Variants in GLDC observed in about 807,000 individuals in gnomAD.
The protein encoded by GLDC is glycine dehydrogenase (decarboxylating), mitochondrial.
A neutral mutation model predicts 121.3 loss-of-function variants in GLDC; 104 were observed. The observed-to-expected ratio is 0.86, with a 90% CI of 0.73 to 1.01. The LOEUF (loss-of-function observed/expected upper bound fraction) is 1.01. Ranked by LOEUF, GLDC falls within the 50% of genes least tolerant of loss-of-function variation. GLDC has a pLI of 0.00. For missense variants in GLDC, 1,429 were observed against 1,306.6 expected, an observed-to-expected ratio of 1.09 and a Z score of -1.44; for synonymous variants, 546 against 480.6, an observed-to-expected ratio of 1.14 and a Z score of -1.78.
chr9:6,567,752 C>T (rs1817880704), intron 15 of GLDC, among the ~76,000 whole-genome samples: 2 of 152,186 alleles, frequency 1.3e-5, no homozygotes, highest in Non-Finnish European at 2.9e-5. Flanking sequence ...ACATTAATAT[C>T]CTATACATGT....
At chr9:6,614,012 G>A (rs916580733) in intron 3 of GLDC, among the ~76,000 whole-genome samples, 1 of 150,616 alleles carries the variant, frequency 6.6e-6, no homozygotes, top group Non-Finnish European at 1.5e-5. Flanking sequence ...CCTGACCTCA[G>A]GTGATCTGCC....
chr9:6,625,667 C>A (rs1003594175), intron 2 of GLDC, among the ~76,000 whole-genome samples: 2 of 152,196 alleles, frequency 1.3e-5, no homozygotes, highest in African/African-American at 4.8e-5. Context: ...TATAGAGGTG[C>A]TCAAATGTGT....
chr9:6,624,512 A>T (rs2129965108), intron 2 of GLDC, among the ~76,000 whole-genome samples: 1 of 152,344 alleles, frequency 6.6e-6, no homozygotes, highest in South Asian at 2.1e-4. Context: ...GAAATGAGCC[A>T]ACCCTGCCAA....
chr9:6,561,218 A>G, intron 16 of GLDC, among the ~76,000 whole-genome samples: 1 of 152,246 alleles, frequency 6.6e-6, no homozygotes, highest in East Asian at 1.9e-4. Context: ...TCCTGGTACA[A>G]GGAGCGATGG....
rs1035362583 is a variant in GLDC, at chr9:6,605,571, T to A, written c.714-293A>T. Among the ~76,000 whole-genome samples the A allele has an allele frequency of 1.1e-3, 163 of 152,344 alleles. 1 individual carries two copies. Among genetic ancestry groups the A allele is most frequent in the Middle Eastern group, 0.01 (3 of 294 alleles). On this transcript the variant is annotated intron_variant, in intron 5 of 24. Transcript: ENST00000321612. ...CAAGAGCATTGCTTCCTAGGGCTAA[T>A]GAGCCAATATTTGTTAACAACAGAG...
chr9:6,539,356 G>A (rs1422622351), intron 22 of GLDC, among the ~76,000 whole-genome samples: 1 of 152,104 alleles, frequency 6.6e-6, no homozygotes, highest in African/African-American at 2.4e-5. Flanking sequence ...GTGTGCACCT[G>A]TAGTCCCAGC....
At chr9:6,558,787 C>G in intron 16 of GLDC, 103 bp from the exon 17 acceptor site, 1 of 1,219,976 alleles carries the variant, frequency 8.2e-7, no homozygotes, top group African/African-American at 1.5e-5. Context: ...TTAGACACCA[C>G]CTGTTTTTAT....
In GLDC at chr9:6,632,156, G is replaced by A. The variant is rs1163628496; in HGVS notation, c.335-11837C>T. Among the ~76,000 whole-genome samples, 8 of 152,100 alleles carry A rather than the reference G, an allele frequency of 5.3e-5. No homozygotes were observed. In the East Asian group the frequency reaches 1.5e-3, roughly 29 times the overall value. On this transcript the variant is annotated intron_variant, in intron 2 of 24. Transcript: ENST00000321612. ...TTATAGTAAATGCTCAGAAAATACA[G>A]GTGAATCAATGTGTTGCAATGAAAA...
intron 5 of GLDC, chr9:6,605,815 C>T (rs1418758169): frequency 4.8e-6 from 1 of 208,522 alleles, no homozygotes; most frequent in East Asian, 1.2e-4. Context: ...GATTGTTTTA[C>T]CTGATTACAG....
intron 21 of GLDC, chr9:6,540,451 G>C (rs1392212487): frequency 5.2e-6 from 2 of 385,578 alleles, no homozygotes; most frequent in African/African-American, 4.1e-5. Context: ...GAGGTGTCTG[G>C]GGATGAGATT....
At chr9:6,555,059 C>T (rs1817594246) in intron 18 of GLDC, 1 of 497,668 alleles carries the variant, frequency 2.0e-6, no homozygotes, top group Non-Finnish European at 3.7e-6. Flanking sequence ...CAGTCTCTTC[C>T]TAATTATCCA....
rs148541963 is a variant in GLDC, at chr9:6,599,497, C to T, written c.1155+2612G>A. On this transcript the variant is annotated intron_variant, in intron 8 of 24. Transcript: ENST00000321612. ...CAGCACTTTGGGAGGCCGAGGTGGGCAGATCATGAGATCAGGAGTTCGAGA... is the reference window on the plus strand; with the variant it reads ...CAGCACTTTGGGAGGCCGAGGTGGGTAGATCATGAGATCAGGAGTTCGAGA... 6.0e-3 allele frequency among the ~76,000 whole-genome samples: 912 copies of T among 152,020 alleles called. 6 individuals are homozygous for T. Among genetic ancestry groups the T allele is most frequent in the African/African-American group, 0.021 (867 of 41,474 alleles).
chr9:6,557,151 G>T (rs1817650677), intron 17 of GLDC, among the ~76,000 whole-genome samples: 1 of 151,968 alleles, frequency 6.6e-6, no homozygotes, highest in African/African-American at 2.4e-5. Context: ...TAGTTAGAAG[G>T]AGGATATTGA....
intron 3 of GLDC, among the ~76,000 whole-genome samples, chr9:6,611,428 T>TGC (rs1563860577): frequency 6.9e-4 from 105 of 152,220 alleles, no homozygotes; most frequent in Non-Finnish European, 1.2e-3. Context: ...TGGTGGCACG[T>TGC]GCCTGTAGTC....
intron 2 of GLDC, among the ~76,000 whole-genome samples, chr9:6,638,775 C>T (rs1014576225): frequency 6.6e-5 from 10 of 152,072 alleles, no homozygotes; most frequent in Non-Finnish European, 1.3e-4. Flanking sequence ...CTTTGGGAGG[C>T]CAAGGCAGGC....
At chr9:6,609,294 G>C (rs1273774637) in intron 4 of GLDC, among the ~76,000 whole-genome samples, 1 of 152,198 alleles carries the variant, frequency 6.6e-6, no homozygotes, top group Non-Finnish European at 1.5e-5. Flanking sequence ...GGATGCACAT[G>C]AAGTACTATT....
rs1817552212 is a variant in GLDC at position 6,553,250 on chromosome 9, C to G, written c.2457+118G>C. The G allele has an allele frequency of 6.6e-6, 6 of 908,212 alleles. No homozygotes were observed. In the South Asian group the frequency reaches 7.3e-5, roughly 11 times the overall value. 56.3% of individuals were successfully genotyped at this position (908,212 alleles called of 1,614,324 possible). ...CAGGCCATCAGCAATATTCTTTGAA[C>G]CACATCTCAGATCATGAATTTATTT... On this transcript the variant is annotated intron_variant, in intron 20 of 24. Transcript: ENST00000321612.
chr9:6,540,038 A>T lies in GLDC; in HGVS notation c.2665+13T>A. Reference sequence around the variant, plus strand: ...CAGCATGGGCGGCGGCATGAATGTCAAAAGCCACTTACCATAATCCTGGAG... The same window carrying T: ...CAGCATGGGCGGCGGCATGAATGTCTAAAGCCACTTACCATAATCCTGGAG... On this transcript the variant is annotated intron_variant, in intron 22 of 24. Coordinates refer to ENST00000321612, the MANE Select transcript of GLDC (RefSeq NM_000170.3). The T allele has an allele frequency of 2.5e-6, 4 of 1,571,096 alleles. No homozygotes were observed. The highest frequency in any genetic ancestry group is 3.5e-6 in the Non-Finnish European group (4 of 1,141,434).
At position 6,553,512 on chromosome 9, in the gene GLDC, G is replaced by T. The variant is rs781056699; in HGVS notation, c.2316-3C>A. On this transcript the variant is annotated splice_polypyrimidine_tract_variant and splice_region_variant and intron_variant, in intron 19 of 24. Coordinates refer to ENST00000321612, the MANE Select transcript of GLDC (RefSeq NM_000170.3). ...AAAACGGGGCGAGATGTTTCTTCCT[G>T]TATTTTTTTTAAGTGCAAATTCAGA... 3 of 1,599,830 alleles carry T rather than the reference G, an allele frequency of 1.9e-6. No homozygotes were observed. The highest frequency in any genetic ancestry group is 2.6e-6 in the Non-Finnish European group (3 of 1,171,640).
Sources: gnomAD v4.1 joint callset for allele counts (sites outside exome capture counted in the v4.1 genomes callset) on GRCh38, gnomAD v4.1.1 for gene constraint, MANE v1.5 for transcripts, NCBI Gene and HGNC (gene_info 2026-07-23, HGNC 2026-07-21) for gene names.